Variants in ERC2 observed in about 807,000 individuals in gnomAD.
The protein encoded by ERC2 is ELKS/RAB6-interacting/CAST family member 2, also known as ERC protein 2.
ERC2 carries 42 observed loss-of-function variants against 114.8 expected under a neutral mutation model. The observed-to-expected ratio is 0.37, with a 90% CI of 0.29 to 0.47. The LOEUF is 0.47. Among genes scored for constraint, ERC2 ranks in the 20% least tolerant of loss-of-function variants. ERC2 has a pLI of 0.99. For missense variants in ERC2, 939 were observed against 1,150.7 expected (o/e 0.82, Z 2.66); for synonymous variants, 454 against 425.5 (o/e 1.07, Z -0.82).
intron 2 of ERC2, among the ~76,000 whole-genome samples, chr3:56,406,270 C>T (rs1259046299): frequency 6.6e-6 from 1 of 152,162 alleles, no homozygotes; most frequent in Non-Finnish European, 1.5e-5. Context: ...TTTATACCTC[C>T]AACATCAGTA....
intron 14 of ERC2, among the ~76,000 whole-genome samples, chr3:55,845,526 A>G (rs2061326807): frequency 6.7e-6 from 1 of 148,988 alleles, no homozygotes; most frequent in Non-Finnish European, 1.5e-5. Context: ...AAAAAAAAAA[A>G]GGCAAAAATG....
chr3:55,887,711 G>C (rs2063413376), intron 14 of ERC2, among the ~76,000 whole-genome samples: 1 of 152,084 alleles, frequency 6.6e-6, no homozygotes, highest in Admixed American at 6.5e-5. Flanking sequence ...GGTGTAGGTG[G>C]GTGTGTCACA....
At chr3:56,109,132 T>C (rs1302065518) in intron 6 of ERC2, among the ~76,000 whole-genome samples, 1 of 152,116 alleles carries the variant, frequency 6.6e-6, no homozygotes, top group Non-Finnish European at 1.5e-5. Context: ...CTAAGCCTAG[T>C]ACCTAATAGT....
In ERC2 at chr3:55,753,410, A is replaced by C. The variant is rs528929251; in HGVS notation, c.2565-18492T>G. Among the ~76,000 whole-genome samples the C allele has an allele frequency of 2.0e-5, 3 of 152,250 alleles. No individual in the cohort carries two copies. In the South Asian group the frequency reaches 6.2e-4, roughly 31 times the overall value. On this transcript the variant is annotated intron_variant, in intron 14 of 17. Transcript: ENST00000288221. ...CCCCCGAGGTCACTAAGAGGTTCACAGAAGATCCCCCACAGGAAAGCATCT... is the reference window on the plus strand; with the variant it reads ...CCCCCGAGGTCACTAAGAGGTTCACCGAAGATCCCCCACAGGAAAGCATCT...
At chr3:55,998,749 T>G (rs936111964) in intron 10 of ERC2, among the ~76,000 whole-genome samples, 2 of 152,200 alleles carry the variant, frequency 1.3e-5, no homozygotes, top group Non-Finnish European at 2.9e-5. Flanking sequence ...AGCAGGACAT[T>G]AACAAGATTT....
At chr3:55,881,483 T>G (rs2063116729) in intron 14 of ERC2, among the ~76,000 whole-genome samples, 1 of 152,220 alleles carries the variant, frequency 6.6e-6, no homozygotes, top group African/African-American at 2.4e-5. Context: ...TTTCAAAATA[T>G]GTGACTATTA....
In ERC2 at chr3:56,229,265, T is replaced by C. The variant is rs1575962607; in HGVS notation, c.1075-55745A>G. 5.3e-5 allele frequency among the ~76,000 whole-genome samples: 8 copies of C among 152,342 alleles called. 1 individual carries two copies. Among genetic ancestry groups the C allele is most frequent in the Admixed American group, 5.2e-4 (8 of 15,304 alleles). On this transcript the variant is annotated intron_variant, in intron 3 of 17. Coordinates refer to ENST00000288221, the MANE Select transcript of ERC2 (RefSeq NM_015576.3). ...TTATCAACAGTTCCCCCATGGCATA[T>C]AAACTCCATGAGGGCAAGTTCTGTC...
intron 17 of ERC2, among the ~76,000 whole-genome samples, chr3:55,667,068 T>C (rs1036224581): frequency 6.6e-6 from 1 of 152,228 alleles, no homozygotes; most frequent in Non-Finnish European, 1.5e-5. Flanking sequence ...CAAAAACCTA[T>C]ATCATGTTGT....
At chr3:56,366,457 A>G (rs1027606555) in intron 2 of ERC2, among the ~76,000 whole-genome samples, 1 of 152,164 alleles carries the variant, frequency 6.6e-6, no homozygotes, top group African/African-American at 2.4e-5. Context: ...CAGGAGTGGC[A>G]CCCATGAGGC....
chr3:56,159,815 T>C (rs532449335), intron 4 of ERC2, among the ~76,000 whole-genome samples: 49 of 152,324 alleles, frequency 3.2e-4, no homozygotes, highest in Admixed American at 7.8e-4. Flanking sequence ...GCTGCATCCA[T>C]GTTGCTGCAA....
At chr3:56,117,882 C>T (rs1008766280) in intron 6 of ERC2, among the ~76,000 whole-genome samples, 1 of 152,162 alleles carries the variant, frequency 6.6e-6, no homozygotes, top group African/African-American at 2.4e-5. Flanking sequence ...GCAATGAGAA[C>T]CAGCTTTTCT....
chr3:55,758,461 A>G (rs1001054949), intron 14 of ERC2, among the ~76,000 whole-genome samples: 1 of 152,200 alleles, frequency 6.6e-6, no homozygotes, highest in African/African-American at 2.4e-5. Flanking sequence ...TCTGACGGGT[A>G]TCACCAAAGG....
At chr3:56,145,013 T>C (rs533368168) in intron 5 of ERC2, among the ~76,000 whole-genome samples, 160 of 152,206 alleles carry the variant, frequency 1.1e-3, no homozygotes, top group Non-Finnish European at 2.0e-3. Flanking sequence ...TTACATCACA[T>C]GCTTTATATG....
At chr3:55,910,063 C>T (rs192297347) in intron 13 of ERC2, among the ~76,000 whole-genome samples, 2 of 152,032 alleles carry the variant, frequency 1.3e-5, no homozygotes, top group East Asian at 3.9e-4. Flanking sequence ...GAATCAATGA[C>T]TAGTCTATAA....
At chr3:55,920,444 A>ACACACACACC (rs1553733968) in intron 13 of ERC2, among the ~76,000 whole-genome samples, 28 of 148,032 alleles carry the variant, frequency 1.9e-4, no homozygotes, top group Non-Finnish European at 1.9e-4. Context: ...ACACACACAC[A>ACACACACACC]CACCCCAAGT....
At chr3:55,759,009 C>T (rs1383036134) in intron 14 of ERC2, among the ~76,000 whole-genome samples, 1 of 152,082 alleles carries the variant, frequency 6.6e-6, no homozygotes, top group Non-Finnish European at 1.5e-5. Context: ...CTGACTAATT[C>T]TTGATATTTT....
chr3:55,955,296 G>A (rs939754797), intron 12 of ERC2: 6 of 397,578 alleles, frequency 1.5e-5, no homozygotes, highest in Non-Finnish European at 2.6e-5. Flanking sequence ...GTGTAAGTGG[G>A]GTATAAATAC....
Position 56,296,108 on chromosome 3 carries a change from T to A in ERC2, c.985A>T (p.Thr329Ser). The A allele has an allele frequency of 6.2e-7, 1 of 1,613,960 alleles. No individual in the cohort carries two copies. The highest frequency in any genetic ancestry group is 8.5e-7 in the Non-Finnish European group (1 of 1,179,832). The stretch of plus-strand genomic sequence containing the variant: ...GACTCAGCCTCTGCCATCCGCCGCG[T>A]TCGCTCATTGTCATCCTCCAGGCTT... ...SKSLEDDNER[T>S]RRMAEAESQV... The change falls in exon 3 of 18, where the codon ACG (threonine) becomes TCG (serine). Residue 329 changes from threonine to serine, a missense_variant. Coordinates refer to ENST00000288221, the MANE Select transcript of ERC2 (RefSeq NM_015576.3).
intron 14 of ERC2, among the ~76,000 whole-genome samples, chr3:55,767,677 A>G (rs1222560880): frequency 6.6e-6 from 1 of 152,222 alleles, no homozygotes; most frequent in Non-Finnish European, 1.5e-5. Context: ...TCTGCTCTGT[A>G]GGTGATGTTC....
Sources: gnomAD v4.1 joint callset for allele counts (sites outside exome capture counted in the v4.1 genomes callset) on GRCh38, gnomAD v4.1.1 for gene constraint, MANE v1.5 for transcripts, NCBI Gene and HGNC (gene_info 2026-07-23, HGNC 2026-07-21) for gene names.